The following RBMS3 variants were observed in gnomAD, a reference collection of about 807,000 sequenced individuals.
RBMS3 encodes RNA binding motif single stranded interacting protein 3.
RBMS3 carries 27 observed loss-of-function variants against 66.8 expected under a neutral mutation model. That is an observed-to-expected ratio of 0.40 (90% confidence interval 0.30 to 0.56). The LOEUF (loss-of-function observed/expected upper bound fraction) is 0.56. RBMS3 is among the 20% of genes least tolerant of loss of function. RBMS3 has a pLI of 0.40. For synonymous variants in RBMS3, 188 were observed against 183.0 expected (o/e 1.03, Z -0.22); for missense variants, 513 against 549.5 (o/e 0.93, Z 0.66).
intron 1 of RBMS3, among the ~76,000 whole-genome samples, chr3:29,413,415 T>TACAC (rs1196346834): frequency 1.7e-4 from 20 of 114,892 alleles, no homozygotes; most frequent in South Asian, 1.6e-3. Context: ...CATACATACA[T>TACAC]ACATACATAC....
intron 12 of RBMS3, among the ~76,000 whole-genome samples, chr3:29,956,539 A>G (rs1196560347): frequency 6.6e-6 from 1 of 152,070 alleles, no homozygotes; most frequent in Non-Finnish European, 1.5e-5. Context: ...ACTCTCCCTC[A>G]ATTATATACT....
At chr3:29,339,887 T>C (rs979000053) in intron 1 of RBMS3, among the ~76,000 whole-genome samples, 5 of 152,138 alleles carry the variant, frequency 3.3e-5, no homozygotes, top group African/African-American at 1.2e-4. Flanking sequence ...TGCATCAGTG[T>C]AGGGTGAGCA....
chr3:29,353,478 T>C (rs1401254970), intron 1 of RBMS3, among the ~76,000 whole-genome samples: 1 of 152,012 alleles, frequency 6.6e-6, no homozygotes, highest in Admixed American at 6.6e-5. Context: ...TTTGCTTGAT[T>C]GAAGCTGGGC....
chr3:29,979,873 G>A (rs1022638535), intron 12 of RBMS3, among the ~76,000 whole-genome samples: 1 of 152,144 alleles, frequency 6.6e-6, no homozygotes, highest in African/African-American at 2.4e-5. Flanking sequence ...CTTTGCTATT[G>A]TGAACAGTGC....
At chr3:29,989,744 C>T (rs34347706) in intron 13 of RBMS3, among the ~76,000 whole-genome samples, 3,906 of 152,258 alleles carry the variant, frequency 0.026, 127 homozygotes, top group East Asian at 0.17. Context: ...TCATCTTAAA[C>T]AGTTTTAATT....
intron 12 of RBMS3, among the ~76,000 whole-genome samples, chr3:29,946,541 A>G (rs984467632): frequency 4.0e-5 from 6 of 151,718 alleles, no homozygotes; most frequent in African/African-American, 9.7e-5. Context: ...ATATTATGGT[A>G]TAATATTAGA....
chr3:29,705,278 T>A (rs1559589878), intron 4 of RBMS3, among the ~76,000 whole-genome samples: 2 of 152,204 alleles, frequency 1.3e-5, no homozygotes, highest in African/African-American at 4.8e-5. Flanking sequence ...CAGAAAAATG[T>A]ATATGAAGGA....
At chr3:29,399,675 T>G (rs1251073399) in intron 1 of RBMS3, among the ~76,000 whole-genome samples, 3 of 151,270 alleles carry the variant, frequency 2.0e-5, no homozygotes, top group African/African-American at 7.3e-5. Flanking sequence ...CCAAATATAT[T>G]TGCCCACTGA....
At chr3:29,463,873 A>G (rs1178725004) in intron 2 of RBMS3, among the ~76,000 whole-genome samples, 1 of 152,162 alleles carries the variant, frequency 6.6e-6, no homozygotes, top group East Asian at 1.9e-4. Context: ...AAGAAAATAG[A>G]GTGTTATCCT....
At chr3:29,739,659 T>C (rs776394986) in intron 4 of RBMS3, 61 bp from the exon 5 acceptor site, 1 of 1,396,906 alleles carries the variant, frequency 7.2e-7, no homozygotes, top group Non-Finnish European at 9.6e-7. Flanking sequence ...AAAGTTTCTC[T>C]ATTTGTACAA....
chr3:29,620,051 C>T lies in RBMS3; in HGVS notation c.399+32846C>T, dbSNP rs564739733. ...GAAAAAGCTTAAAAATGCTTTGAAT[C>T]CTGAGAAAATATTTCTGTAAGTTAA... On this transcript the variant is annotated intron_variant, in intron 4 of 14. Transcript: ENST00000383767. Among the ~76,000 whole-genome samples, 3 of 152,138 alleles carry T rather than the reference C, an allele frequency of 2.0e-5. No individual in the cohort carries two copies. The South Asian group carries it at 6.2e-4, about 32-fold the overall frequency.
chr3:29,987,085 G>C (rs1303609177), intron 12 of RBMS3, among the ~76,000 whole-genome samples: 1 of 152,148 alleles, frequency 6.6e-6, no homozygotes, highest in Admixed American at 6.5e-5. Context: ...TTTTCATATT[G>C]ATACATGAAC....
At chr3:29,554,309 G>A (rs921091546) in intron 3 of RBMS3, among the ~76,000 whole-genome samples, 2 of 152,100 alleles carry the variant, frequency 1.3e-5, no homozygotes, top group African/African-American at 4.8e-5. Flanking sequence ...TTAGCCTTTG[G>A]CTTTCAGCCT....
intron 10 of RBMS3, among the ~76,000 whole-genome samples, chr3:29,903,925 A>G (rs1487159845): frequency 6.6e-6 from 1 of 151,966 alleles, no homozygotes; most frequent in Non-Finnish European, 1.5e-5. Flanking sequence ...TAAAGAGAAA[A>G]TATAAACTTC....
chr3:29,617,297 G>T (rs1298083011), intron 4 of RBMS3, among the ~76,000 whole-genome samples: 1 of 152,160 alleles, frequency 6.6e-6, no homozygotes, highest in Non-Finnish European at 1.5e-5. Context: ...TATTGATATT[G>T]CAGACTTGAC....
chr3:29,522,115 A>G (rs2044883460), intron 3 of RBMS3, among the ~76,000 whole-genome samples: 1 of 152,216 alleles, frequency 6.6e-6, no homozygotes, highest in African/African-American at 2.4e-5. Flanking sequence ...TTGCACAGAG[A>G]GGAAAATCTA....
At position 29,898,874 on chromosome 3, in the gene RBMS3, T is replaced by A. The variant is rs146321137; in HGVS notation, c.889-831T>A. Among the ~76,000 whole-genome samples the A allele has an allele frequency of 2.7e-4, 41 of 151,614 alleles. 2 individuals are homozygous for A. In the East Asian group the frequency reaches 8.0e-3, roughly 30 times the overall value. On this transcript the variant is annotated intron_variant, in intron 9 of 14. Transcript: ENST00000383767. ...GAATAAAATATTCACTGAAGAGTGA[T>A]TTTACTTGGGAGGGCTCATAAGTGG...
At chr3:29,646,109 A>G (rs532973218) in intron 4 of RBMS3, among the ~76,000 whole-genome samples, 16 of 152,344 alleles carry the variant, frequency 1.1e-4, no homozygotes, top group African/African-American at 3.4e-4. Context: ...GCCTGTTTAA[A>G]TTGAAATTTA....
At chr3:29,725,104 G>A (rs2053802778) in intron 4 of RBMS3, among the ~76,000 whole-genome samples, 1 of 152,194 alleles carries the variant, frequency 6.6e-6, no homozygotes, top group Admixed American at 6.5e-5. Context: ...TTGGATTAGT[G>A]TTGTGACCAC....
Sources: allele counts gnomAD v4.1 joint callset (sites outside exome capture counted in the v4.1 genomes callset), GRCh38; gene constraint gnomAD v4.1.1; transcripts MANE v1.5; gene names NCBI Gene and HGNC (gene_info 2026-07-23, HGNC 2026-07-21).